Variants in ADAP1 observed in about 807,000 individuals in gnomAD.
ADAP1 encodes ArfGAP with dual PH domains 1, also known as arf-GAP with dual PH domain-containing protein 1.
A neutral mutation model predicts 54.9 loss-of-function variants in ADAP1; 31 were observed. The observed-to-expected ratio is 0.56, with a 90% CI of 0.42 to 0.76. The LOEUF is 0.76. ADAP1 is among the 30% of genes least tolerant of loss of function. The pLI is 0.00. For missense variants in ADAP1, 535 were observed against 512.4 expected, an observed-to-expected ratio of 1.04 and a Z score of -0.42; for synonymous variants, 313 against 202.6, an observed-to-expected ratio of 1.55 and a Z score of -4.63.
rs1353091706 is a variant in ADAP1, at chr7:899,335, A to G, written c.868-74T>C. ...CGCTTCACTCAGGCCAGGACTCGGG[A>G]GGCCACCCGCCCTCCTGGTCACGCA... On this transcript the variant is annotated intron_variant, in intron 9 of 10. Transcript: ENST00000265846. The G allele has an allele frequency of 5.6e-6, 9 of 1,604,452 alleles. No individual in the cohort carries two copies. The East Asian group carries it at 2.0e-4, about 36-fold the overall frequency.
At chr7:955,387 G>C, upstream of ADAP1, 1 of 1,550,104 alleles carries the variant, frequency 6.5e-7, no homozygotes, top group Non-Finnish European at 8.7e-7. Context: ...AGTACACCCG[G>C]CTGAAAACAA....
intron 7 of ADAP1, 147 bp downstream of exon 7, chr7:900,386 T>C: frequency 1.0e-6 from 1 of 982,966 alleles, no homozygotes; most frequent in South Asian, 1.6e-5. Flanking sequence ...GCAGGAGGGC[T>C]GCAGGCACGT....
At position 945,793 on chromosome 7, in the gene ADAP1, G is replaced by A. The variant is rs1046537159; in HGVS notation, c.82+8603C>T. ...CCAGGACGCCCGAGGTGACTCAGCC[G>A]CTCACCATTTCCGGAGCTGGTCTGG... On this transcript the variant is annotated intron_variant, in intron 1 of 10. Transcript: ENST00000265846. The surrounding 1 kb of genome is among the most constrained non-coding windows in gnomAD (Gnocchi z 4.2). The A allele has an allele frequency of 1.0e-5, 10 of 985,462 alleles. No individual in the cohort carries two copies. The highest frequency in any genetic ancestry group is 4.7e-5 in the South Asian group (1 of 21,298). The allele number at this position is 985,462 out of a possible 1,614,324, so 61.0% of individuals were successfully genotyped here.
Position 920,322 on chromosome 7 carries a change from G to C in ADAP1, c.306-272C>G, listed in dbSNP as rs539189715. The stretch of plus-strand genomic sequence containing the variant: ...TTCTGCACAAGCGTTCCCGGTGGAC[G>C]GGCTGGTGCCTCCCCTCTCCTTCCC... On this transcript the variant is annotated intron_variant, in intron 3 of 10. Coordinates refer to ENST00000265846, the MANE Select transcript of ADAP1 (RefSeq NM_006869.4). The surrounding 1 kb of genome is among the most constrained non-coding windows in gnomAD (Gnocchi z 4.5). 6.6e-6 allele frequency among the ~76,000 whole-genome samples: 1 copy of C among 152,116 alleles called. No homozygotes were observed. The highest frequency in any genetic ancestry group is 1.5e-5 in the Non-Finnish European group (1 of 68,002).
At chr7:905,212 G>T (rs773050876) in intron 4 of ADAP1, 40 bp from the exon 5 acceptor site, 2 of 1,523,964 alleles carry the variant, frequency 1.3e-6, no homozygotes, top group South Asian at 1.1e-5. Flanking sequence ...ACAGTGGATG[G>T]GGGGGAGGAA....
At chr7:905,912 A>AAAGGAG (rs1845253941) in intron 4 of ADAP1, among the ~76,000 whole-genome samples, 1 of 3,540 alleles carries the variant, frequency 2.8e-4, no homozygotes, top group Admixed American at 1.6e-3. Context: ...GGAGAAAGGG[A>AAAGGAG]AAGGAGAAAG....
chr7:927,148 G>C, intron 2 of ADAP1: 1 of 1,303,658 alleles, frequency 7.7e-7, no homozygotes, highest in Non-Finnish European at 1.0e-6. Context: ...GAGTCTCTGA[G>C]GGGACTCTGC....
chr7:925,876 C>G lies in ADAP1; in HGVS notation c.305+677G>C, dbSNP rs1846366715. 2.0e-5 allele frequency among the ~76,000 whole-genome samples: 3 copies of G among 152,324 alleles called. No individual in the cohort carries two copies. The South Asian group carries it at 6.2e-4, about 32-fold the overall frequency. On this transcript the variant is annotated intron_variant, in intron 3 of 10. Coordinates refer to ENST00000265846, the MANE Select transcript of ADAP1 (RefSeq NM_006869.4). ...GTGCCCAGTGAGGCTGGGATTGAAC[C>G]AGGGCAGGAAGCATGGGGGGCCGGG...
intron 1 of ADAP1, among the ~76,000 whole-genome samples, chr7:947,681 G>C (rs1847178469): frequency 6.6e-6 from 1 of 152,026 alleles, no homozygotes; most frequent in South Asian, 2.1e-4. Context: ...CCCGCCCTAG[G>C]CCTAGCCACC....
Position 915,476 on chromosome 7 carries a change from A to AGAGGCC in ADAP1, c.388+4486_388+4491dup, listed in dbSNP as rs1845896402. The stretch of plus-strand genomic sequence containing the variant: ...CGGCCATTCACTCAGCGTGGGCTTC[A>AGAGGCC]GAGGCCGGCAGGCAAGGCCAAGGCC... On this transcript the variant is annotated intron_variant, in intron 4 of 10. Transcript: ENST00000265846. 5.3e-5 allele frequency among the ~76,000 whole-genome samples: 8 copies of AGAGGCC among 152,320 alleles called. No individual in the cohort carries two copies. The South Asian group carries it at 1.4e-3, about 28-fold the overall frequency.
chr7:919,920 G>A, intron 4 of ADAP1, 48 bp downstream of exon 4: 1 of 1,495,700 alleles, frequency 6.7e-7, no homozygotes, highest in South Asian at 1.2e-5. Flanking sequence ...GAGGGAGAGA[G>A]CCAGGGAGAG....
rs948449719 is a variant in ADAP1 at position 926,359 on chromosome 7, C to A, written c.305+194G>T. Among the ~76,000 whole-genome samples the A allele has an allele frequency of 3.3e-5, 5 of 150,614 alleles. No homozygotes were observed. The highest frequency in any genetic ancestry group is 2.0e-4 in the East Asian group (1 of 5,076). On this transcript the variant is annotated intron_variant, in intron 3 of 10. Coordinates refer to ENST00000265846, the MANE Select transcript of ADAP1 (RefSeq NM_006869.4). The surrounding 1 kb of genome is among the most constrained non-coding windows in gnomAD (Gnocchi z 4.6). The stretch of plus-strand genomic sequence containing the variant: ...TTCCCAGCCCCACCCCAGCGCCCCC[C>A]GCCCCAGAACCAAAGCCCGGTGGTG...
At chr7:917,672 C>T (rs1054175748) in intron 4 of ADAP1, among the ~76,000 whole-genome samples, 1 of 152,150 alleles carries the variant, frequency 6.6e-6, no homozygotes, top group East Asian at 1.9e-4. Flanking sequence ...CCACGTTGAC[C>T]AGATTGGTCT....
chr7:954,415 G>A lies in ADAP1; in HGVS notation c.63C>T (p.Cys21=). The A allele has an allele frequency of 1.8e-6, 2 of 1,129,974 alleles. No individual in the cohort carries two copies. The highest frequency in any genetic ancestry group is 1.1e-6 in the Non-Finnish European group (1 of 911,108). The allele number at this position is 1,129,974 out of a possible 1,614,324, so 70.0% of individuals were successfully genotyped here. A position where few individuals can be genotyped will look rare whatever the true frequency, so the allele number is the denominator to read the frequency against. The part of the protein sequence containing the change: ...ELLQRPGNAR[C]ADCGAPDPDW... ...ACCTACCCGGGGCGCCGCAGTCCGC[G>A]CAGCGCGCGTTCCCCGGCCGCTGCA... is the stretch of plus-strand genomic sequence containing the variant. The change falls in exon 1 of 11, where the codon TGC becomes TGT. Residue 21 remains cysteine, a synonymous_variant. Coordinates refer to ENST00000265846, the MANE Select transcript of ADAP1 (RefSeq NM_006869.4).
At chr7:913,232 G>A (rs778234264) in intron 4 of ADAP1, among the ~76,000 whole-genome samples, 68 of 114,828 alleles carry the variant, frequency 5.9e-4, no homozygotes, top group Non-Finnish European at 9.5e-4. Flanking sequence ...ACGGAGTCTC[G>A]CTCTGTCGCC....
intron 2 of ADAP1, among the ~76,000 whole-genome samples, chr7:934,614 C>T (rs1241577225): frequency 1.3e-5 from 2 of 152,118 alleles, no homozygotes; most frequent in Non-Finnish European, 2.9e-5. Flanking sequence ...TCAGGCCCCA[C>T]GCTCCATCCG....
intron 1 of ADAP1, among the ~76,000 whole-genome samples, chr7:940,330 TCACACACACACACACACACACACACA>T (rs56715852): frequency 2.1e-5 from 3 of 140,732 alleles, no homozygotes; most frequent in Non-Finnish European, 4.6e-5. Flanking sequence ...ACAGACCCTG[TCACACACACACACACACACACACACA>T]CACACACACA....
At chr7:943,650 T>G (rs1353097583) in intron 1 of ADAP1, among the ~76,000 whole-genome samples, 164 of 2,458 alleles carry the variant, frequency 0.067, no homozygotes, top group Non-Finnish European at 0.084. Context: ...AGGAAGGGAG[T>G]GAGGAGGAAG....
At position 935,357 on chromosome 7, in the gene ADAP1, G is replaced by GC; in HGVS notation, c.213+17dup. Reference sequence around the variant, plus strand: ...ACCCGGGGACTGCGCGGGTCCCCCCGCCCCTCCCCCTCCGTACCTCCACTT... The same window carrying GC: ...ACCCGGGGACTGCGCGGGTCCCCCCGCCCCCTCCCCCTCCGTACCTCCACTT... On this transcript the variant is annotated intron_variant, in intron 2 of 10. Transcript: ENST00000265846. 2.3e-6 allele frequency: 3 copies of GC among 1,323,692 alleles called. No homozygotes were observed. The highest frequency in any genetic ancestry group is 3.1e-6 in the Non-Finnish European group (3 of 959,322). The allele number at this position is 1,323,692 out of a possible 1,614,324, so 82.0% of individuals were successfully genotyped here.
Sources: allele counts gnomAD v4.1 joint callset (sites outside exome capture counted in the v4.1 genomes callset), GRCh38; gene constraint gnomAD v4.1.1; non-coding constraint Gnocchi (gnomAD v3.1); transcripts MANE v1.5; gene names NCBI Gene and HGNC (gene_info 2026-07-23, HGNC 2026-07-21).